MACROD2: variants seen among roughly 807,000 people sequenced by gnomAD.
MACROD2 encodes the protein mono-ADP ribosylhydrolase 2, also known as ADP-ribose glycohydrolase MACROD2.
A neutral mutation model predicts 70.4 loss-of-function variants in MACROD2; 36 were observed. The ratio of observed to expected loss-of-function variants is 0.51; its 90% CI spans 0.39 to 0.68. The LOEUF is 0.68. Ranked by LOEUF, MACROD2 falls within the 30% of genes least tolerant of loss-of-function variation. The pLI is 0.00. For synonymous variants in MACROD2, 172 were observed against 178.8 expected (o/e 0.96, Z 0.30); for missense variants, 496 against 538.4 (o/e 0.92, Z 0.78).
intron 6 of MACROD2, among the ~76,000 whole-genome samples, chr20:15,272,370 C>A (rs565609864): frequency 2.0e-5 from 3 of 152,274 alleles, no homozygotes; most frequent in South Asian, 4.1e-4. Flanking sequence ...TTGGACTCAT[C>A]TACTCAAATC....
chr20:15,373,387 A>G (rs549885000), intron 6 of MACROD2, among the ~76,000 whole-genome samples: 1 of 152,144 alleles, frequency 6.6e-6, no homozygotes, highest in East Asian at 1.9e-4. Context: ...GAATTATAGA[A>G]TTATTTTCCT....
chr20:14,377,663 A>C (rs1421038114), intron 3 of MACROD2, among the ~76,000 whole-genome samples: 1 of 152,200 alleles, frequency 6.6e-6, no homozygotes, highest in Non-Finnish European at 1.5e-5. Flanking sequence ...TCAGATGCCA[A>C]CTAAGTTGGA....
chr20:15,291,866 A>G (rs1568697395), intron 6 of MACROD2, among the ~76,000 whole-genome samples: 1 of 152,188 alleles, frequency 6.6e-6, no homozygotes. Context: ...TAGTTTTATT[A>G]CTACTACTAA....
At chr20:14,613,573 A>T (rs1183090499) in intron 4 of MACROD2, among the ~76,000 whole-genome samples, 1 of 152,088 alleles carries the variant, frequency 6.6e-6, no homozygotes, top group African/African-American at 2.4e-5. Context: ...AAAAAGAGAG[A>T]TGGGTATTAA....
chr20:14,590,151 A>G (rs1278633078), intron 4 of MACROD2, among the ~76,000 whole-genome samples: 5 of 152,158 alleles, frequency 3.3e-5, no homozygotes, highest in African/African-American at 4.8e-5. Context: ...GGTCATACAT[A>G]TGTTACCCAA....
chr20:14,859,105 A>C (rs2073286969), intron 5 of MACROD2, among the ~76,000 whole-genome samples: 1 of 152,030 alleles, frequency 6.6e-6, no homozygotes, highest in Admixed American at 6.6e-5. Context: ...GAGCGGTAAA[A>C]GACTACATAT....
At chr20:15,192,936 G>A (rs1186288564) in intron 5 of MACROD2, among the ~76,000 whole-genome samples, 2 of 152,166 alleles carry the variant, frequency 1.3e-5, no homozygotes, top group Admixed American at 1.3e-4. Flanking sequence ...AATTTTTGGT[G>A]TCAAAACACA....
intron 6 of MACROD2, among the ~76,000 whole-genome samples, chr20:15,311,876 A>G (rs529159962): frequency 5.4e-4 from 83 of 152,294 alleles, no homozygotes; most frequent in Non-Finnish European, 9.1e-4. Flanking sequence ...CTCAAACCTC[A>G]GCGTCATGCA....
At chr20:15,331,427 A>C (rs1211310241) in intron 6 of MACROD2, among the ~76,000 whole-genome samples, 3 of 151,752 alleles carry the variant, frequency 2.0e-5, no homozygotes, top group Non-Finnish European at 4.4e-5. Context: ...ATGCATTTAT[A>C]ATGCACATCA....
chr20:15,235,831 C>T (rs1382439024), intron 6 of MACROD2, among the ~76,000 whole-genome samples: 1 of 152,202 alleles, frequency 6.6e-6, no homozygotes, highest in East Asian at 1.9e-4. Context: ...CTTGATGTCA[C>T]CATTTCCCAG....
intron 5 of MACROD2, among the ~76,000 whole-genome samples, chr20:14,955,379 A>T (rs1395250041): frequency 6.7e-6 from 1 of 148,916 alleles, no homozygotes; most frequent in Non-Finnish European, 1.5e-5. Context: ...CTATAGTTAT[A>T]ATTTCCATCA....
chr20:15,320,401 A>T (rs1201775025), intron 6 of MACROD2, among the ~76,000 whole-genome samples: 3 of 152,178 alleles, frequency 2.0e-5, no homozygotes, highest in Admixed American at 6.5e-5. Flanking sequence ...TGGTTAATTC[A>T]TGTTCTTGAA....
chr20:15,772,673 G>A (rs1181021414), intron 8 of MACROD2, among the ~76,000 whole-genome samples: 2 of 152,106 alleles, frequency 1.3e-5, no homozygotes, highest in Non-Finnish European at 2.9e-5. Flanking sequence ...AGACGAAGGG[G>A]AAGCAAGGAC....
chr20:14,756,958 CAT>C (rs897877931), intron 5 of MACROD2, among the ~76,000 whole-genome samples: 3 of 152,064 alleles, frequency 2.0e-5, no homozygotes, highest in Non-Finnish European at 2.9e-5. Context: ...TGAAGAATGA[CAT>C]GTTTGCTTCC....
At chr20:14,364,362 C>A (rs2083252810) in intron 3 of MACROD2, among the ~76,000 whole-genome samples, 2 of 152,090 alleles carry the variant, frequency 1.3e-5, no homozygotes, top group African/African-American at 4.8e-5. Context: ...CGTATAGGAT[C>A]TTACAAAGGT....
At chr20:15,902,547 C>G (rs988907356) in intron 10 of MACROD2, among the ~76,000 whole-genome samples, 1 of 152,034 alleles carries the variant, frequency 6.6e-6, no homozygotes, top group African/African-American at 2.4e-5. Context: ...AGTAGCATAT[C>G]TTGAGGTTCT....
intron 5 of MACROD2, among the ~76,000 whole-genome samples, chr20:14,735,243 G>C (rs558386340): frequency 6.6e-6 from 1 of 152,124 alleles, no homozygotes; most frequent in African/African-American, 2.4e-5. Context: ...CATATCTGAT[G>C]AGTCTATCTA....
In MACROD2 at chr20:14,536,532, C is replaced by A. The variant is rs116576334; in HGVS notation, c.301+43024C>A. Among the ~76,000 whole-genome samples the A allele has an allele frequency of 3.8e-3, 584 of 151,878 alleles. 6 individuals are homozygous for A. The highest frequency in any genetic ancestry group is 0.013 in the African/African-American group (558 of 41,388). On this transcript the variant is annotated intron_variant, in intron 4 of 17. Transcript: ENST00000684519. ...ACATAAGTATTAACATGGTTAAATG[C>A]AAGGAATCTTTAGGAGCAAAATGAT...
At chr20:15,463,066 T>C (rs2046839810) in intron 7 of MACROD2, among the ~76,000 whole-genome samples, 1 of 152,234 alleles carries the variant, frequency 6.6e-6, no homozygotes, top group African/African-American at 2.4e-5. Context: ...CTATTCATGA[T>C]AAAAGCTAGT....
Sources: gnomAD v4.1 joint callset for allele counts (sites outside exome capture counted in the v4.1 genomes callset) on GRCh38, gnomAD v4.1.1 for gene constraint, MANE v1.5 for transcripts, NCBI Gene and HGNC (gene_info 2026-07-23, HGNC 2026-07-21) for gene names.